CSMD1: variants seen among roughly 807,000 people sequenced by gnomAD.
CSMD1 encodes CUB and sushi domain-containing protein 1.
CSMD1 carries 213 observed loss-of-function variants against 417.5 expected under a neutral mutation model. The ratio of observed to expected loss-of-function variants is 0.51; its 90% CI spans 0.46 to 0.57. The LOEUF is 0.57. CSMD1 is among the 20% of genes least tolerant of loss of function. The probability of loss-of-function intolerance (pLI) is 0.00; values close to 1 mark genes in which losing one functional copy is unlikely to be tolerated. For missense variants in CSMD1, 6,923 were observed against 4,529.7 expected, an observed-to-expected ratio of 1.53 and a Z score of -15.17; for synonymous variants, 2,862 against 1,736.8, an observed-to-expected ratio of 1.65 and a Z score of -16.11.
At chr8:4,567,918 C>A (rs1450096761) in intron 2 of CSMD1, among the ~76,000 whole-genome samples, 1 of 152,060 alleles carries the variant, frequency 6.6e-6, no homozygotes, top group Admixed American at 6.6e-5. Context: ...TAATCAATGA[C>A]CTGAAATTGC....
intron 8 of CSMD1, among the ~76,000 whole-genome samples, chr8:3,592,139 G>GA (rs1185448732): frequency 2.6e-5 from 4 of 152,188 alleles, no homozygotes; most frequent in Non-Finnish European, 5.9e-5. Context: ...TAGATGAATG[G>GA]ATAGGTAAGT....
At chr8:3,927,562 G>C (rs533815243) in intron 5 of CSMD1, among the ~76,000 whole-genome samples, 11 of 149,774 alleles carry the variant, frequency 7.3e-5, no homozygotes, top group African/African-American at 2.2e-4. Flanking sequence ...CTACTAGAGA[G>C]GCTGAGGCAG....
intron 33 of CSMD1, among the ~76,000 whole-genome samples, chr8:3,194,922 C>T (rs1437326291): frequency 3.9e-5 from 6 of 152,030 alleles, no homozygotes; most frequent in East Asian, 1.9e-4. Flanking sequence ...GATGGTGACC[C>T]GGAAAACATG....
chr8:3,206,459 GT>G (rs146728683), intron 30 of CSMD1, among the ~76,000 whole-genome samples: 58,202 of 86,864 alleles, frequency 0.67, 20,513 homozygotes, highest in Non-Finnish European at 0.73. Flanking sequence ...GTATGTGTGT[GT>G]GGGGGGGTTA....
intron 5 of CSMD1, among the ~76,000 whole-genome samples, chr8:3,802,477 C>G (rs909158908): frequency 6.6e-6 from 1 of 152,090 alleles, no homozygotes; most frequent in Non-Finnish European, 1.5e-5. Flanking sequence ...TAAGTATCAA[C>G]TTCATTCATG....
At chr8:4,330,529 A>G (rs1310183055) in intron 3 of CSMD1, among the ~76,000 whole-genome samples, 1 of 151,838 alleles carries the variant, frequency 6.6e-6, no homozygotes, top group African/African-American at 2.4e-5. Context: ...GGCAGAGGTT[A>G]CAGTAAGCCA....
At chr8:4,703,726 AT>A in intron 1 of CSMD1, among the ~76,000 whole-genome samples, 1 of 152,310 alleles carries the variant, frequency 6.6e-6, no homozygotes, top group African/African-American at 2.4e-5. Flanking sequence ...TTTAAAAAAA[AT>A]CTTAAAGTGA....
At chr8:3,080,579 G>A (rs1306412729) in intron 49 of CSMD1, among the ~76,000 whole-genome samples, 4 of 152,192 alleles carry the variant, frequency 2.6e-5, no homozygotes, top group Non-Finnish European at 5.9e-5. Flanking sequence ...CCATCAAGGG[G>A]TCTTGGGAAG....
At chr8:4,655,457 G>T (rs1392090559) in intron 1 of CSMD1, among the ~76,000 whole-genome samples, 1 of 152,094 alleles carries the variant, frequency 6.6e-6, no homozygotes, top group Non-Finnish European at 1.5e-5. Context: ...TACAGACATG[G>T]ATTCTGGCTT....
chr8:4,645,648 G>A (rs543652869), intron 1 of CSMD1, among the ~76,000 whole-genome samples: 8 of 152,048 alleles, frequency 5.3e-5, no homozygotes, highest in Non-Finnish European at 1.2e-4. Context: ...GATGTCGAAG[G>A]TAGGAAGCAG....
At chr8:4,077,676 A>G (rs1257714567) in intron 3 of CSMD1, among the ~76,000 whole-genome samples, 1 of 152,068 alleles carries the variant, frequency 6.6e-6, no homozygotes, top group Non-Finnish European at 1.5e-5. Flanking sequence ...TTTTTCATGT[A>G]TTTGTTTCCT....
chr8:4,114,801 G>C (rs1004881473), intron 3 of CSMD1, among the ~76,000 whole-genome samples: 4 of 152,168 alleles, frequency 2.6e-5, no homozygotes, highest in African/African-American at 7.2e-5. Flanking sequence ...AGATGTGGTA[G>C]AAATAGCGAG....
chr8:4,286,660 C>CAA (rs1797072467), intron 3 of CSMD1, among the ~76,000 whole-genome samples: 1 of 152,140 alleles, frequency 6.6e-6, no homozygotes, highest in Non-Finnish European at 1.5e-5. Context: ...AAGGGGATAG[C>CAA]AATCATACTG....
At chr8:4,022,832 G>C (rs534358131) in intron 4 of CSMD1, among the ~76,000 whole-genome samples, 2 of 152,134 alleles carry the variant, frequency 1.3e-5, no homozygotes, top group Admixed American at 6.5e-5. Context: ...GTGGTCTTCA[G>C]AAAGAAGAAG....
At chr8:4,720,659 T>G (rs554277537) in intron 1 of CSMD1, among the ~76,000 whole-genome samples, 1 of 152,306 alleles carries the variant, frequency 6.6e-6, no homozygotes, top group South Asian at 2.1e-4. Context: ...TAAACTCGAT[T>G]GATCCACCTG....
chr8:4,636,681 G>C (rs555147369), intron 2 of CSMD1, among the ~76,000 whole-genome samples: 8 of 152,114 alleles, frequency 5.3e-5, no homozygotes, highest in African/African-American at 1.7e-4. Context: ...TATAAACAAA[G>C]TCAGTGATAA....
At chr8:4,721,287 G>C (rs770446707) in intron 1 of CSMD1, among the ~76,000 whole-genome samples, 8 of 152,056 alleles carry the variant, frequency 5.3e-5, no homozygotes, top group African/African-American at 1.2e-4. Context: ...ATAGAAAGAA[G>C]AAATAAATAC....
intron 2 of CSMD1, among the ~76,000 whole-genome samples, chr8:4,444,481 G>A (rs1012809937): frequency 2.6e-5 from 4 of 151,258 alleles, no homozygotes; most frequent in African/African-American, 7.3e-5. Flanking sequence ...ATAAGCAGTC[G>A]CATTCAATTA....
At chr8:3,526,352 C>G (rs1163435812) in intron 10 of CSMD1, among the ~76,000 whole-genome samples, 1 of 151,946 alleles carries the variant, frequency 6.6e-6, no homozygotes, top group Admixed American at 6.6e-5. Flanking sequence ...CTCCAAATCC[C>G]TTTGGTGTGA....
Sources: allele counts gnomAD v4.1 joint callset (sites outside exome capture counted in the v4.1 genomes callset), GRCh38; gene constraint gnomAD v4.1.1; transcripts MANE v1.5; gene names NCBI Gene and HGNC (gene_info 2026-07-23, HGNC 2026-07-21).